Variants in WDR91 observed in about 807,000 individuals in gnomAD.
WDR91 encodes the protein WD repeat domain 91, also known as WD repeat-containing protein 91.
A neutral mutation model predicts 88.4 loss-of-function variants in WDR91; 52 were observed. The observed-to-expected ratio is 0.59, with a 90% CI of 0.47 to 0.74. WDR91 has a LOEUF of 0.74. WDR91 is among the 30% of genes least tolerant of loss of function. The pLI is 0.00. For synonymous variants in WDR91, 362 were observed against 389.5 expected, an observed-to-expected ratio of 0.93 and a Z score of 0.83; for missense variants, 824 against 954.5, an observed-to-expected ratio of 0.86 and a Z score of 1.80.
At position 135,194,861 on chromosome 7, in the gene WDR91, C is replaced by T. The variant is rs1351937003; in HGVS notation, c.1395+73G>A. 3.8e-6 allele frequency: 6 copies of T among 1,576,202 alleles called. 1 individual carries two copies. Among genetic ancestry groups the T allele is most frequent in the Non-Finnish European group, 5.2e-6 (6 of 1,159,746 alleles). ...GGGAACTGGCTTGGCTGTCTTGACTCAGCCGGTGGAGAACCCTGGGGAATT... is the reference window on the plus strand; with the variant it reads ...GGGAACTGGCTTGGCTGTCTTGACTTAGCCGGTGGAGAACCCTGGGGAATT... On this transcript the variant is annotated intron_variant, in intron 9 of 14. Transcript: ENST00000354475.
intron 7 of WDR91, 62 bp downstream of exon 7, chr7:135,197,931 C>A: frequency 6.4e-7 from 1 of 1,565,996 alleles, no homozygotes; most frequent in Admixed American, 1.8e-5. Flanking sequence ...AGAGAAGACC[C>A]CCCACAGTGT....
At chr7:135,192,553 AG>A (rs139791787) in intron 11 of WDR91, among the ~76,000 whole-genome samples, 2,119 of 152,314 alleles carry the variant, frequency 0.014, 47 homozygotes, top group African/African-American at 0.048. Context: ...ACAGACCCAA[AG>A]GGAACACAGA....
At chr7:135,200,271 T>C (rs1467317859) in intron 6 of WDR91, 1 of 151,994 alleles carries the variant, frequency 6.6e-6, no homozygotes. Flanking sequence ...TTTTTAGAAA[T>C]AAAAGGCTAA....
chr7:135,190,331 A>C (rs1831116697), intron 11 of WDR91, among the ~76,000 whole-genome samples: 1 of 152,166 alleles, frequency 6.6e-6, no homozygotes, highest in South Asian at 2.1e-4. Context: ...ATAACAAGAA[A>C]ACTTACCTCC....
Position 135,184,170 on chromosome 7 carries a change from C to G in WDR91, c.*1981G>C, listed in dbSNP as rs559138911. On this transcript the variant is annotated 3_prime_UTR_variant, in exon 15 of 15. Transcript: ENST00000354475. ...TTTCTTCATTTGCAGGGAGGATTACCAGGGTAGAAATGGGTAAAAATCGGT... is the reference window on the plus strand; with the variant it reads ...TTTCTTCATTTGCAGGGAGGATTACGAGGGTAGAAATGGGTAAAAATCGGT... The G allele has an allele frequency of 1.1e-4, 16 of 152,204 alleles. No individual in the cohort carries two copies. Among genetic ancestry groups the G allele is most frequent in the Admixed American group, 5.9e-4 (9 of 15,290 alleles). The allele number at this position is 152,204 out of a possible 1,614,324, so 9.4% of individuals were successfully genotyped here. A position where few individuals can be genotyped will look rare whatever the true frequency, so the allele number is the denominator to read the frequency against.
rs292592 is a variant in WDR91, at chr7:135,204,389, G to A, written c.770C>T (p.Pro257Leu). ...SQRNASLSQS[P>L]RVGFLSSLLP... ...CAGCGAGGACAGGAAGCCCACACGA[G>A]GTGACTGGGAGAGGGAGGCATTCCT... Residue 257 changes from proline (P) to leucine (L), a missense_variant, in exon 6 of 15, where the codon CCT becomes CTT. Physicochemically the swap from Pro to Leu is moderately conservative, Grantham distance 98 (BLOSUM62 -3). Coordinates refer to ENST00000354475, the MANE Select transcript of WDR91 (RefSeq NM_014149.4). 1,164,151 of 1,613,788 alleles carry A rather than the reference G, an allele frequency of 0.72. 422,427 individuals are homozygous for A. Among genetic ancestry groups the A allele is most frequent in the Admixed American group, 0.81 (48,797 of 59,992 alleles).
rs769501103 is a variant in WDR91, at chr7:135,193,308, G to C, written c.1582C>G (p.Pro528Ala). The C allele has an allele frequency of 2.5e-6, 4 of 1,614,206 alleles. No individual in the cohort carries two copies. In the East Asian group the frequency reaches 6.7e-5, roughly 27 times the overall value. The change falls in exon 11 of 15, where the codon CCA becomes GCA. Residue 528 changes from proline (P) to alanine (A), a missense_variant. Physicochemically the swap from Pro to Ala is conservative, Grantham distance 27. Transcript: ENST00000354475. The part of the protein sequence containing the change: ...SLTSQVDFSA[P>A]DIGSKGMNQV... ...TTCATGCCCTTGCTGCCGATGTCTG[G>C]TGCTGAGAAGTCCACCTGGGAAGTG... is the stretch of plus-strand genomic sequence containing the variant.
chr7:135,188,335 G>T, intron 13 of WDR91, 98 bp downstream of exon 13: 2 of 892,458 alleles, frequency 2.2e-6, no homozygotes, highest in Non-Finnish European at 1.8e-6. Flanking sequence ...GCAAAAAGAG[G>T]CCCCAGGTTG....
At position 135,196,894 on chromosome 7, in the gene WDR91, A is replaced by T. The variant is rs1831395598; in HGVS notation, c.1051-557T>A. On this transcript the variant is annotated intron_variant, in intron 7 of 14. Coordinates refer to ENST00000354475, the MANE Select transcript of WDR91 (RefSeq NM_014149.4). The surrounding 1 kb of genome is among the most constrained non-coding windows in gnomAD (Gnocchi z 4.2). ...TTTCCAGTGCACCCCTAGGCCCACC[A>T]GCCCTCCTGGGAGGTGGGCACTGAG... 6.6e-6 allele frequency: 1 copy of T among 152,214 alleles called. No individual in the cohort carries two copies. The highest frequency in any genetic ancestry group is 6.5e-5 in the Admixed American group (1 of 15,282). 9.4% of individuals were successfully genotyped at this position (152,214 alleles called of 1,614,324 possible). A position where few individuals can be genotyped will look rare whatever the true frequency, so the allele number is the denominator to read the frequency against.
chr7:135,192,108 GTTTT>G lies in WDR91; in HGVS notation c.1659+1119_1659+1122del, dbSNP rs751914024. Among the ~76,000 whole-genome samples the G allele has an allele frequency of 0.011, 565 of 50,508 alleles. 6 individuals are homozygous for G. The East Asian group carries it at 0.15, about 13-fold the overall frequency. 33.1% of individuals were successfully genotyped at this position (50,508 alleles called of 152,430 possible). A position where few individuals can be genotyped will look rare whatever the true frequency, so the allele number is the denominator to read the frequency against. On this transcript the variant is annotated intron_variant, in intron 11 of 14. Coordinates refer to ENST00000354475, the MANE Select transcript of WDR91 (RefSeq NM_014149.4). The stretch of plus-strand genomic sequence containing the variant: ...TGGGAAGAACCCCAATTTCTGTTGT[GTTTT>G]TTTTTTTTTTTTTTTTTTTTTTTGA...
At chr7:135,206,624 C>T (rs866038819) in intron 4 of WDR91, among the ~76,000 whole-genome samples, 36 of 152,064 alleles carry the variant, frequency 2.4e-4, no homozygotes, top group Admixed American at 5.9e-4. Flanking sequence ...AATGTGGGTC[C>T]CCTGGCTCTA....
chr7:135,197,932 C>T, intron 7 of WDR91, 61 bp downstream of exon 7: 1 of 1,568,034 alleles, frequency 6.4e-7, no homozygotes. Context: ...GAGAAGACCC[C>T]CCACAGTGTT....
Position 135,205,993 on chromosome 7 carries a change from C to G in WDR91, c.660G>C (p.Glu220Asp), listed in dbSNP as rs1316405063. ...KKEEQQPEEE[E>D]ALVQHKLPPY... ...GAGGCAATTTGTGTTGGACCAAGGCCTCTTCCTCTTCTGGCTGTTGCTCCT... is the reference window on the plus strand; with the variant it reads ...GAGGCAATTTGTGTTGGACCAAGGCGTCTTCCTCTTCTGGCTGTTGCTCCT... The change falls in exon 5 of 15, where the codon GAG (glutamate) becomes GAC (aspartate). Residue 220 changes from glutamate (E) to aspartate (D), a missense_variant. By Grantham distance (45) the Glu-to-Asp change is conservative. Coordinates refer to ENST00000354475, the MANE Select transcript of WDR91 (RefSeq NM_014149.4). The G allele has an allele frequency of 6.2e-7, 1 of 1,614,078 alleles. No homozygotes were observed. The highest frequency in any genetic ancestry group is 8.5e-7 in the Non-Finnish European group (1 of 1,180,050).
At chr7:135,197,730 C>G (rs73156122) in intron 7 of WDR91, 2 of 371,932 alleles carry the variant, frequency 5.4e-6, no homozygotes, top group East Asian at 8.6e-5. Context: ...AGCTTAATCA[C>G]AGAAGTCATC....
At chr7:135,197,098 G>A (rs1831403193) in intron 7 of WDR91, 1 of 152,158 alleles carries the variant, frequency 6.6e-6, no homozygotes, top group Non-Finnish European at 1.5e-5. Context: ...CCAGCCCTGG[G>A]GTCCGGATGC....
At chr7:135,206,945 C>T (rs1831811846) in intron 4 of WDR91, 175 bp downstream of exon 4, 1 of 342,612 alleles carries the variant, frequency 2.9e-6, no homozygotes, top group East Asian at 6.8e-5. Flanking sequence ...CTCTGGTTTT[C>T]AGAGACTGTT....
At chr7:135,206,204 G>A in intron 4 of WDR91, 146 bp from the exon 5 acceptor site, 5 of 1,024,018 alleles carry the variant, frequency 4.9e-6, no homozygotes, top group Non-Finnish European at 7.3e-6. Flanking sequence ...TCTGCTCACT[G>A]CAGACTGGGA....
intron 10 of WDR91, 87 bp downstream of exon 10, chr7:135,193,491 G>A: frequency 6.2e-7 from 1 of 1,610,568 alleles, no homozygotes; most frequent in Admixed American, 1.7e-5. Context: ...CACAGGAGAT[G>A]GGGCATTAGG....
At chr7:135,206,935 C>G (rs1831811467) in intron 4 of WDR91, 185 bp downstream of exon 4, 1 of 325,902 alleles carries the variant, frequency 3.1e-6, no homozygotes, top group Non-Finnish European at 5.9e-6. Context: ...TGAATCTCGC[C>G]TCTGGTTTTC....
Sources: allele counts gnomAD v4.1 joint callset (sites outside exome capture counted in the v4.1 genomes callset), GRCh38; gene constraint gnomAD v4.1.1; non-coding constraint Gnocchi (gnomAD v3.1); transcripts MANE v1.5; gene names NCBI Gene and HGNC (gene_info 2026-07-23, HGNC 2026-07-21).